The following CTNND2 variants were observed in gnomAD, a reference collection of about 807,000 sequenced individuals.
CTNND2 encodes the protein catenin delta 2.
A neutral mutation model predicts 144.4 loss-of-function variants in CTNND2; 22 were observed. That is an observed-to-expected ratio of 0.15 (90% CI 0.11 to 0.22). The LOEUF (loss-of-function observed/expected upper bound fraction) is 0.22. CTNND2 is among the 10% of genes least tolerant of loss of function. The pLI is 1.00. For synonymous variants in CTNND2, 751 were observed against 695.6 expected (o/e 1.08, Z -1.25); for missense variants, 1,353 against 1,618.8 (o/e 0.84, Z 2.82).
At chr5:11,568,487 G>A (rs1177319673) in intron 2 of CTNND2, among the ~76,000 whole-genome samples, 1 of 152,184 alleles carries the variant, frequency 6.6e-6, no homozygotes, top group Non-Finnish European at 1.5e-5. Context: ...CCCTGAACTG[G>A]AATGGTATTC....
intron 9 of CTNND2, among the ~76,000 whole-genome samples, chr5:11,319,988 A>G (rs1410261878): frequency 6.6e-6 from 1 of 152,200 alleles, no homozygotes; most frequent in African/African-American, 2.4e-5. Context: ...ACAAATGGAC[A>G]CTGCATATAC....
chr5:11,294,661 T>A (rs1014004998), intron 9 of CTNND2, among the ~76,000 whole-genome samples: 19 of 152,330 alleles, frequency 1.2e-4, no homozygotes, highest in Admixed American at 9.2e-4. Flanking sequence ...ATCCCTGGGA[T>A]GCAAGGCTGG....
intron 16 of CTNND2, among the ~76,000 whole-genome samples, chr5:11,076,023 G>C (rs971904246): frequency 6.6e-6 from 1 of 152,198 alleles, no homozygotes; most frequent in Non-Finnish European, 1.5e-5. Flanking sequence ...CTTGTTATGA[G>C]CATAGCAAAG....
At chr5:11,148,198 T>C (rs1757428140) in intron 12 of CTNND2, among the ~76,000 whole-genome samples, 1 of 152,198 alleles carries the variant, frequency 6.6e-6, no homozygotes, top group Non-Finnish European at 1.5e-5. Context: ...GCTTAATGAA[T>C]ATGGGGTTTT....
intron 9 of CTNND2, among the ~76,000 whole-genome samples, chr5:11,249,812 A>G (rs541125731): frequency 6.6e-6 from 1 of 152,082 alleles, no homozygotes; most frequent in Admixed American, 6.6e-5. Context: ...AAAAATCTAA[A>G]GCCATTTAAT....
intron 10 of CTNND2, among the ~76,000 whole-genome samples, chr5:11,220,132 G>A (rs928768325): frequency 6.6e-6 from 1 of 152,044 alleles, no homozygotes; most frequent in Admixed American, 6.5e-5. Context: ...ATATAGGAGG[G>A]AAACATTTAA....
At position 11,395,665 on chromosome 5, in the gene CTNND2, C is replaced by A. The variant is rs1016021976; in HGVS notation, c.612+1366G>T. Reference sequence around the variant, plus strand: ...GAATGTTTTATCAGTTCCTCTTACCCATATTCCTATCATTCAGCATTGTGA... The same window carrying A: ...GAATGTTTTATCAGTTCCTCTTACCAATATTCCTATCATTCAGCATTGTGA... On this transcript the variant is annotated intron_variant, in intron 6 of 21. Coordinates refer to ENST00000304623, the MANE Select transcript of CTNND2 (RefSeq NM_001332.4). Among the ~76,000 whole-genome samples the A allele has an allele frequency of 4.9e-4, 74 of 152,212 alleles. 1 individual carries two copies. Among genetic ancestry groups the A allele is most frequent in the Admixed American group, 4.8e-3 (74 of 15,286 alleles).
At chr5:11,329,645 A>G (rs258839) in intron 9 of CTNND2, among the ~76,000 whole-genome samples, 115,051 of 152,098 alleles carry the variant, frequency 0.76, 43,717 homozygotes, top group South Asian at 0.86. Context: ...AGTCCTGTGC[A>G]ATAGCAGCCC....
rs533126716 is a variant in CTNND2, at chr5:11,382,228, C to A, written c.1177+2437G>T. Among the ~76,000 whole-genome samples, 12 of 152,300 alleles carry A rather than the reference C, an allele frequency of 7.9e-5. 1 individual carries two copies. In the South Asian group the frequency reaches 2.1e-3, roughly 26 times the overall value. ...AATTTTCTGTCTTCCTCATTTGAAA[C>A]AAGGCCAAGGATTTTGGCTGATTTC... is the stretch of plus-strand genomic sequence containing the variant. On this transcript the variant is annotated intron_variant, in intron 7 of 21. Transcript: ENST00000304623.
chr5:11,837,414 G>A (rs572584711), intron 1 of CTNND2, among the ~76,000 whole-genome samples: 1 of 152,310 alleles, frequency 6.6e-6, no homozygotes, highest in South Asian at 2.1e-4. Context: ...TCTGTAAATT[G>A]TAAATATACA....
chr5:10,992,756 A>G (rs1014251566), intron 18 of CTNND2, 79 bp from the exon 19 acceptor site: 2 of 1,545,912 alleles, frequency 1.3e-6, no homozygotes, highest in Non-Finnish European at 1.8e-6. Flanking sequence ...AGTTCCAAGT[A>G]TCTGGATTTG....
intron 3 of CTNND2, among the ~76,000 whole-genome samples, chr5:11,558,341 C>CGTGTGTGTGTGTGTGTGT: frequency 7.6e-6 from 1 of 132,224 alleles, no homozygotes; most frequent in Non-Finnish European, 1.6e-5. Context: ...GTGAGAAACA[C>CGTGTGTGTGTGTGTGTGT]GTGTGTGTGT....
At chr5:11,257,803 A>G (rs1181271986) in intron 9 of CTNND2, among the ~76,000 whole-genome samples, 1 of 152,192 alleles carries the variant, frequency 6.6e-6, no homozygotes, top group African/African-American at 2.4e-5. Context: ...GAACCTTGCC[A>G]GGCAAACGAA....
chr5:11,708,360 G>C (rs754482598), intron 2 of CTNND2, among the ~76,000 whole-genome samples: 1 of 152,068 alleles, frequency 6.6e-6, no homozygotes, highest in Admixed American at 6.5e-5. Flanking sequence ...CATTACCAAA[G>C]GGGGCCAAGA....
intron 16 of CTNND2, among the ~76,000 whole-genome samples, chr5:11,061,132 C>CT (rs1221725354): frequency 2.0e-5 from 3 of 152,074 alleles, no homozygotes; most frequent in Non-Finnish European, 2.9e-5. Flanking sequence ...CCTCCTCTGT[C>CT]TTTTTTTGCC....
chr5:11,278,144 T>C (rs1366295143), intron 9 of CTNND2, among the ~76,000 whole-genome samples: 3 of 152,154 alleles, frequency 2.0e-5, no homozygotes, highest in Non-Finnish European at 4.4e-5. Flanking sequence ...CCCCACCAGC[T>C]ATCTCCATCA....
intron 3 of CTNND2, chr5:11,508,538 T>C (rs1039582481): frequency 7.9e-5 from 12 of 152,172 alleles, no homozygotes; most frequent in Non-Finnish European, 1.5e-4. Context: ...TCTTTTATGT[T>C]GCACTCTGAA....
intron 1 of CTNND2, among the ~76,000 whole-genome samples, chr5:11,895,817 A>C (rs1280351383): frequency 6.6e-6 from 1 of 152,222 alleles, no homozygotes; most frequent in Non-Finnish European, 1.5e-5. Context: ...AATTCACAAA[A>C]AAATTAGACG....
intron 2 of CTNND2, among the ~76,000 whole-genome samples, chr5:11,681,548 G>GA (rs945863754): frequency 1.3e-5 from 2 of 149,908 alleles, no homozygotes; most frequent in Non-Finnish European, 1.5e-5. Flanking sequence ...TGCTCTTGAG[G>GA]AAAAAAAAAA....
Sources: gnomAD v4.1 joint callset for allele counts (sites outside exome capture counted in the v4.1 genomes callset) on GRCh38, gnomAD v4.1.1 for gene constraint, MANE v1.5 for transcripts, NCBI Gene and HGNC (gene_info 2026-07-23, HGNC 2026-07-21) for gene names.